SLC41A1: variants seen among roughly 807,000 people sequenced by gnomAD.
The protein encoded by SLC41A1 is solute carrier family 41 member 1, also known as solute carrier family 41 (magnesium transporter), member 1.
In SLC41A1, 20 loss-of-function variants were observed where a neutral mutation model predicts 47.3. The observed-to-expected ratio is 0.42, with a 90% CI of 0.30 to 0.61. The LOEUF (loss-of-function observed/expected upper bound fraction) is 0.61, where lower values mean the gene tolerates loss of function less well. Ranked by LOEUF, SLC41A1 falls within the 20% of genes least tolerant of loss-of-function variation. The pLI is 0.17. For synonymous variants in SLC41A1, 282 were observed against 272.7 expected (o/e 1.03, Z -0.34); for missense variants, 504 against 674.1 (o/e 0.75, Z 2.79).
intron 10 of SLC41A1, among the ~76,000 whole-genome samples, chr1:205,792,498 A>G (rs1655646916): frequency 6.6e-6 from 1 of 152,138 alleles, no homozygotes; most frequent in Admixed American, 6.6e-5. Flanking sequence ...ATTAAGAATG[A>G]CTCAGATCAG....
intron 7 of SLC41A1, among the ~76,000 whole-genome samples, chr1:205,797,226 G>C (rs530859900): frequency 6.6e-6 from 1 of 152,308 alleles, no homozygotes; most frequent in Admixed American, 6.5e-5. Flanking sequence ...GTGGTACTGG[G>C]TCAGGCAACC....
At chr1:205,808,262 C>G (rs1221574254) in intron 2 of SLC41A1, among the ~76,000 whole-genome samples, 1 of 152,202 alleles carries the variant, frequency 6.6e-6, no homozygotes, top group African/African-American at 2.4e-5. Flanking sequence ...GGCCCCCTCT[C>G]CGAGTTTTTA....
intron 7 of SLC41A1, among the ~76,000 whole-genome samples, 155 bp downstream of exon 7, chr1:205,797,749 T>C (rs1330187076): frequency 2.6e-5 from 4 of 152,216 alleles, no homozygotes; most frequent in Admixed American, 1.3e-4. Flanking sequence ...CCAGTTCAGA[T>C]GGTTTCTGTC....
In SLC41A1 at chr1:205,798,034, A is replaced by G; in HGVS notation, c.862T>C (p.Tyr288His). The G allele has an allele frequency of 6.2e-7, 1 of 1,614,202 alleles. No individual in the cohort carries two copies. The highest frequency in any genetic ancestry group is 1.3e-5 in the African/African-American group (1 of 75,048). Residue 288 changes from tyrosine to histidine, a missense_variant, in exon 7 of 11, where the codon TAC becomes CAC. By Grantham distance (83) the Tyr-to-His change is moderately conservative. Transcript: ENST00000367137. Reference sequence around the variant, plus strand: ...ACAAAGAAAGCACACACCAGTGGGTAGATGTATCGCCAGTGATCTGAGAGG... The same window carrying G: ...ACAAAGAAAGCACACACCAGTGGGTGGATGTATCGCCAGTGATCTGAGAGG... ...YLELNHWRYI[Y>H]PLVCAFFVAL...
In SLC41A1 at chr1:205,789,129, T is replaced by A. The variant is rs1324117440; in HGVS notation, c.*2404A>T. The A allele has an allele frequency of 6.6e-6, 1 of 152,204 alleles. No individual in the cohort carries two copies. The allele number at this position is 152,204 out of a possible 1,614,324, so 9.4% of individuals were successfully genotyped here. A position where few individuals can be genotyped will look rare whatever the true frequency, so the allele number is the denominator to read the frequency against. ...GTCCTCTTTATTTTACCAAATATAA[T>A]TTATCAGTTAAGTTGACATTTGTCA... is the stretch of plus-strand genomic sequence containing the variant. On this transcript the variant is annotated 3_prime_UTR_variant, in exon 11 of 11. Transcript: ENST00000367137.
intron 2 of SLC41A1, among the ~76,000 whole-genome samples, chr1:205,807,438 T>C (rs1558083313): frequency 1.3e-5 from 2 of 152,264 alleles, no homozygotes; most frequent in East Asian, 3.9e-4. Context: ...CTCCAGCTCA[T>C]GGGCCTGGAG....
At chr1:205,795,302 C>T (rs760702314) in intron 9 of SLC41A1, 42 bp downstream of exon 9, 1 of 1,613,894 alleles carries the variant, frequency 6.2e-7, no homozygotes, top group East Asian at 2.2e-5. Context: ...TGACAGTAGG[C>T]CCACTCCCCC....
chr1:205,794,307 T>A (rs780247012), intron 10 of SLC41A1, among the ~76,000 whole-genome samples: 28 of 152,078 alleles, frequency 1.8e-4, no homozygotes, highest in Non-Finnish European at 3.7e-4. Context: ...TTTCTGAACC[T>A]TTTTTTTGAG....
At position 205,810,438 on chromosome 1, in the gene SLC41A1, A is replaced by G. The variant is rs781431977; in HGVS notation, c.4T>C (p.Ser2Pro). 6.2e-7 allele frequency: 1 copy of G among 1,614,086 alleles called. No individual in the cohort carries two copies. Among genetic ancestry groups the G allele is most frequent in the Non-Finnish European group, 8.5e-7 (1 of 1,180,048 alleles). M[S>P]SKPEPKDVHQ... ...ACGTCCTTCGGCTCTGGCTTAGAGGACATGACAGGCACGGAGGAGGGGAAG... is the reference window on the plus strand; with the variant it reads ...ACGTCCTTCGGCTCTGGCTTAGAGGGCATGACAGGCACGGAGGAGGGGAAG... Residue 2 changes from serine to proline, a missense_variant, in exon 2 of 11, where the codon TCC (serine) becomes CCC (proline). Physicochemically the swap from Ser to Pro is moderately conservative, Grantham distance 74. Around this residue, in one of 2 missense-constraint regions of SLC41A1, gnomAD observed 83 missense variants for 72.5 expected, o/e 1.15. Transcript: ENST00000367137. This position sits in a 1 kb window ranked among gnomAD's most constrained non-coding sequence, Gnocchi z 5.5.
chr1:205,806,467 T>C (rs560757316), intron 2 of SLC41A1, among the ~76,000 whole-genome samples: 1 of 152,304 alleles, frequency 6.6e-6, no homozygotes, highest in East Asian at 1.9e-4. Context: ...AGCTGGGAAT[T>C]AAAGTGCAGA....
chr1:205,810,683 T>C lies in SLC41A1; in HGVS notation c.-242A>G. ...AAGAAATTCCTCACCAGACAGCCACTAGGGGTGCAGATGCCTGACTCCAAC... is the reference window on the plus strand; with the variant it reads ...AAGAAATTCCTCACCAGACAGCCACCAGGGGTGCAGATGCCTGACTCCAAC... On this transcript the variant is annotated 5_prime_UTR_variant, in exon 2 of 11. Transcript: ENST00000367137. The surrounding 1 kb of genome is among the most constrained non-coding windows in gnomAD (Gnocchi z 5.5). 3.4e-6 allele frequency: 2 copies of C among 581,936 alleles called. No homozygotes were observed. Among genetic ancestry groups the C allele is most frequent in the South Asian group, 4.0e-5 (2 of 50,362 alleles). The allele number at this position is 581,936 out of a possible 1,614,324, so 36.0% of individuals were successfully genotyped here.
intron 2 of SLC41A1, among the ~76,000 whole-genome samples, chr1:205,803,210 C>G (rs1558082152): frequency 6.6e-6 from 1 of 152,032 alleles, no homozygotes; most frequent in African/African-American, 2.4e-5. Context: ...CCCTTGTGCA[C>G]TCTTGGTGGG....
Position 205,810,218 on chromosome 1 carries a change from T to C in SLC41A1, c.224A>G (p.Glu75Gly). The change falls in exon 2 of 11, where the codon GAA (glutamate) becomes GGA (glycine). Residue 75 changes from glutamate (E) to glycine (G), a missense_variant. Around this residue, in one of 2 missense-constraint regions of SLC41A1, gnomAD observed 421 missense variants for 601.6 expected, o/e 0.70. Transcript: ENST00000367137. The surrounding 1 kb of genome is among the most constrained non-coding windows in gnomAD (Gnocchi z 5.5). ...ACGGTCTGTGCTGACGTCGTCACTT[T>C]CGTTGCTCTGGCTCCCGTTCTCCAG... Reference protein sequence around the residue: ...ALLENGSQSNESDDVSTDRGP... With the variant: ...ALLENGSQSNGSDDVSTDRGP... 3 of 1,614,208 alleles carry C rather than the reference T, an allele frequency of 1.9e-6. No homozygotes were observed. Among genetic ancestry groups the C allele is most frequent in the South Asian group, 1.1e-5 (1 of 91,082 alleles).
At chr1:205,806,354 T>C (rs1420520191) in intron 2 of SLC41A1, among the ~76,000 whole-genome samples, 2 of 152,232 alleles carry the variant, frequency 1.3e-5, no homozygotes, top group East Asian at 3.9e-4. Flanking sequence ...ACGCTTGCCA[T>C]GCACTTTCAT....
chr1:205,811,785 G>T (rs892047455), intron 1 of SLC41A1, among the ~76,000 whole-genome samples: 3 of 152,158 alleles, frequency 2.0e-5, no homozygotes, highest in African/African-American at 7.2e-5. Flanking sequence ...CAGCTGACTC[G>T]GATCCAGGCC....
rs371382007 is a variant in SLC41A1 at position 205,794,881 on chromosome 1, C to T, written c.1345G>A (p.Ala449Thr). The T allele has an allele frequency of 5.5e-5, 89 of 1,613,874 alleles. No homozygotes were observed. Among genetic ancestry groups the T allele is most frequent in the Non-Finnish European group, 6.9e-5 (82 of 1,180,010 alleles). ...CTGCCACTTTGTACCTGGAGCAGTG[C>T]AGCTGTCATATAGAAGATGATGAAG... Reference protein sequence around the residue: ...LIFIIFYMTAALLQVLILLYI... With the variant: ...LIFIIFYMTATLLQVLILLYI... The change falls in exon 10 of 11, where the codon GCA (alanine) becomes ACA (threonine). Residue 449 changes from alanine to threonine, a missense_variant. Ala to Thr is a moderately conservative substitution (Grantham distance 58). Coordinates refer to ENST00000367137, the MANE Select transcript of SLC41A1 (RefSeq NM_173854.6).
At chr1:205,805,081 G>A (rs1301889697) in intron 2 of SLC41A1, among the ~76,000 whole-genome samples, 65 of 152,142 alleles carry the variant, frequency 4.3e-4, no homozygotes, top group Non-Finnish European at 1.5e-5. Context: ...AGTGTTAGGA[G>A]CAGTGGGATA....
At chr1:205,796,787 A>T in intron 8 of SLC41A1, 137 bp downstream of exon 8, 3 of 837,002 alleles carry the variant, frequency 3.6e-6, no homozygotes, top group Non-Finnish European at 5.9e-6. Context: ...TCCCTTCATT[A>T]AGGTCTTGAA....
At chr1:205,809,768 G>A (rs997547085) in intron 2 of SLC41A1, among the ~76,000 whole-genome samples, 3 of 152,040 alleles carry the variant, frequency 2.0e-5, no homozygotes, top group Non-Finnish European at 4.4e-5. Context: ...GGACTGCTTG[G>A]GAGAGATGGC....
Sources: gnomAD v4.1 joint callset for allele counts (sites outside exome capture counted in the v4.1 genomes callset) on GRCh38, gnomAD v4.1.1 for gene constraint, gnomAD v4.1.1 regional missense constraint, Gnocchi (gnomAD v3.1) non-coding constraint, MANE v1.5 for transcripts, NCBI Gene and HGNC (gene_info 2026-07-23, HGNC 2026-07-21) for gene names.